The following RAD51B variants were observed in gnomAD, a reference collection of about 807,000 sequenced individuals.
RAD51B encodes RAD51 paralog B.
A neutral mutation model predicts 42.2 loss-of-function variants in RAD51B; 38 were observed. The observed-to-expected ratio is 0.90, with a 90% CI of 0.70 to 1.18. The LOEUF is 1.18. Among genes scored for constraint, RAD51B ranks in the 50% most tolerant of loss-of-function variants. The probability of loss-of-function intolerance (pLI) is 0.00; values close to 1 mark genes in which losing one functional copy is unlikely to be tolerated. For missense variants in RAD51B, 373 were observed against 400.7 expected (o/e 0.93, Z 0.59); for synonymous variants, 154 against 145.2 (o/e 1.06, Z -0.43).
chr14:67,962,690 A>G (rs1057498182), intron 7 of RAD51B, among the ~76,000 whole-genome samples: 2 of 152,198 alleles, frequency 1.3e-5, no homozygotes, highest in Non-Finnish European at 2.9e-5. Context: ...CCTTTCTGAA[A>G]AAGAACTAAT....
intron 7 of RAD51B, among the ~76,000 whole-genome samples, chr14:68,287,421 G>A (rs2081434158): frequency 6.6e-6 from 1 of 152,136 alleles, no homozygotes; most frequent in South Asian, 2.1e-4. Context: ...CAAATATAGG[G>A]TTTCTTGTTC....
chr14:67,930,886 CA>C (rs1235764366), intron 7 of RAD51B, among the ~76,000 whole-genome samples: 1 of 148,994 alleles, frequency 6.7e-6, no homozygotes, highest in South Asian at 2.1e-4. Context: ...ATTCTTTATT[CA>C]ATTTTTTTTT....
At chr14:68,151,200 T>G (rs914129518) in intron 7 of RAD51B, among the ~76,000 whole-genome samples, 8 of 150,810 alleles carry the variant, frequency 5.3e-5, no homozygotes, top group African/African-American at 1.9e-4. Flanking sequence ...ATTGATAGAT[T>G]TTTTTCTTTT....
chr14:67,967,056 G>A (rs1472792312), intron 7 of RAD51B, among the ~76,000 whole-genome samples: 1 of 152,130 alleles, frequency 6.6e-6, no homozygotes, highest in Non-Finnish European at 1.5e-5. Context: ...TCAGAATCAT[G>A]GTGGGAGGCG....
chr14:68,588,820 C>G (rs931635592), intron 10 of RAD51B, among the ~76,000 whole-genome samples: 4 of 152,154 alleles, frequency 2.6e-5, no homozygotes, highest in Non-Finnish European at 5.9e-5. Flanking sequence ...ATTACAGTCC[C>G]CTACTGCTTT....
chr14:67,842,647 G>A (rs1239739368), intron 4 of RAD51B, among the ~76,000 whole-genome samples: 1 of 152,230 alleles, frequency 6.6e-6, no homozygotes, highest in Non-Finnish European at 1.5e-5. Context: ...TGGGATTACA[G>A]GCATGTGCCA....
chr14:68,419,296 T>C (rs1363684613), intron 9 of RAD51B, among the ~76,000 whole-genome samples: 2 of 152,302 alleles, frequency 1.3e-5, no homozygotes, highest in Admixed American at 6.5e-5. Context: ...CACTTTACTC[T>C]GGTGACTTTT....
At chr14:68,573,082 ACTC>A (rs1249837647) in intron 10 of RAD51B, among the ~76,000 whole-genome samples, 1 of 151,624 alleles carries the variant, frequency 6.6e-6, no homozygotes, top group Non-Finnish European at 1.5e-5. Context: ...ACCTCATACT[ACTC>A]TATCTTATTT....
At chr14:67,936,774 G>T (rs911669068) in intron 7 of RAD51B, among the ~76,000 whole-genome samples, 1 of 152,136 alleles carries the variant, frequency 6.6e-6, no homozygotes, top group Non-Finnish European at 1.5e-5. Flanking sequence ...AATAATCCTT[G>T]TAGTGCTTGT....
intron 8 of RAD51B, among the ~76,000 whole-genome samples, chr14:68,318,093 A>T (rs967660858): frequency 6.6e-6 from 1 of 152,210 alleles, no homozygotes. Flanking sequence ...TTCTGAATTC[A>T]TCAGGTGGTC....
intron 5 of RAD51B, among the ~76,000 whole-genome samples, chr14:67,869,267 G>C (rs1271668448): frequency 6.6e-6 from 1 of 152,198 alleles, no homozygotes; most frequent in African/African-American, 2.4e-5. Flanking sequence ...GAAAACCAAG[G>C]CTCGAGAACT....
chr14:67,909,934 G>A (rs1389922019), intron 7 of RAD51B, among the ~76,000 whole-genome samples: 1 of 152,150 alleles, frequency 6.6e-6, no homozygotes, highest in African/African-American at 2.4e-5. Context: ...GGGATTACAG[G>A]CATGAGCCAC....
chr14:68,025,647 C>A (rs1013266274), intron 7 of RAD51B, among the ~76,000 whole-genome samples: 1 of 151,932 alleles, frequency 6.6e-6, no homozygotes, highest in Non-Finnish European at 1.5e-5. Flanking sequence ...TCTAGATCTT[C>A]TAATTAGTAT....
At chr14:68,339,145 G>T (rs1156831318) in intron 8 of RAD51B, 2 of 715,438 alleles carry the variant, frequency 2.8e-6, no homozygotes, top group Non-Finnish European at 5.0e-6. Context: ...CTCTTAGTGG[G>T]GATGTCCCCT....
At chr14:68,048,534 G>T (rs1007777642) in intron 7 of RAD51B, among the ~76,000 whole-genome samples, 7 of 152,188 alleles carry the variant, frequency 4.6e-5, no homozygotes, top group East Asian at 3.9e-4. Flanking sequence ...TGTCCTGAAT[G>T]GTATTGCCTA....
intron 8 of RAD51B, among the ~76,000 whole-genome samples, chr14:68,400,349 C>T (rs1383399769): frequency 6.6e-6 from 1 of 152,196 alleles, no homozygotes; most frequent in Non-Finnish European, 1.5e-5. Flanking sequence ...CTTCCCAGCT[C>T]TCTCCAAAGG....
chr14:68,549,252 G>C (rs1388578679), intron 10 of RAD51B, among the ~76,000 whole-genome samples: 1 of 151,934 alleles, frequency 6.6e-6, no homozygotes, highest in African/African-American at 2.4e-5. Flanking sequence ...GAATGTTCCA[G>C]GGGGAGGGAT....
chr14:68,293,686 C>T (rs1326483207), intron 8 of RAD51B, among the ~76,000 whole-genome samples: 1 of 152,148 alleles, frequency 6.6e-6, no homozygotes, highest in African/African-American at 2.4e-5. Flanking sequence ...TTAAAGACTG[C>T]CTCTTTCACA....
chr14:68,193,541 T>C (rs1428518027), intron 7 of RAD51B, among the ~76,000 whole-genome samples: 1 of 152,168 alleles, frequency 6.6e-6, no homozygotes, highest in African/African-American at 2.4e-5. Context: ...TACAGAGGGC[T>C]AAAGGGATGC....
Sources: gnomAD v4.1 joint callset for allele counts (sites outside exome capture counted in the v4.1 genomes callset) on GRCh38, gnomAD v4.1.1 for gene constraint, MANE v1.5 for transcripts, NCBI Gene and HGNC (gene_info 2026-07-23, HGNC 2026-07-21) for gene names.